Variants in OR2M3 observed in about 807,000 individuals in gnomAD.
The protein encoded by OR2M3 is olfactory receptor family 2 subfamily M member 3.
In OR2M3, 1 loss-of-function variant was observed where a neutral mutation model predicts 4.3. The ratio of observed to expected loss-of-function variants is 0.23; its 90% CI spans 0.08 to 1.11. The LOEUF (loss-of-function observed/expected upper bound fraction) is 1.11, where lower values mean the gene tolerates loss of function less well. OR2M3 is among the 50% of genes most tolerant of loss of function. The pLI is 0.54. For synonymous variants in OR2M3, 151 were observed against 139.4 expected, an observed-to-expected ratio of 1.08 and a Z score of -0.59; for missense variants, 410 against 390.4, an observed-to-expected ratio of 1.05 and a Z score of -0.42.
intron 1 of OR2M3, among the ~76,000 whole-genome samples, chr1:248,199,435 G>T (rs753092029): frequency 1.2e-4 from 18 of 151,734 alleles, no homozygotes; most frequent in Non-Finnish European, 2.2e-4. Context: ...AAAATATTTC[G>T]CCACAGGTCC....
rs1165959305 is a variant in OR2M3, at chr1:248,212,224, T to G, written c.*8218T>G. 1 of 152,078 alleles carries G rather than the reference T, an allele frequency of 6.6e-6. No homozygotes were observed. The highest frequency in any genetic ancestry group is 2.4e-5 in the African/African-American group (1 of 41,434). The allele number at this position is 152,078 out of a possible 1,614,324, so 9.4% of individuals were successfully genotyped here. A position where few individuals can be genotyped will look rare whatever the true frequency, so the allele number is the denominator to read the frequency against. ...AAGAAGTATACTAATAGCCATCAAA[T>G]ATTTTAAATATTAATTCATAATGCT... On this transcript the variant is annotated 3_prime_UTR_variant, in exon 2 of 2. Coordinates refer to ENST00000641626, the MANE Select transcript of OR2M3 (RefSeq NM_001004689.2).
rs921348642 is a variant in OR2M3 at position 248,204,209 on chromosome 1, A to T, written c.*203A>T. 2.3e-6 allele frequency: 1 copy of T among 439,694 alleles called. No individual in the cohort carries two copies. Among genetic ancestry groups the T allele is most frequent in the Non-Finnish European group, 3.9e-6 (1 of 254,920 alleles). 27.2% of individuals were successfully genotyped at this position (439,694 alleles called of 1,614,324 possible). A position where few individuals can be genotyped will look rare whatever the true frequency, so the allele number is the denominator to read the frequency against. On this transcript the variant is annotated 3_prime_UTR_variant, in exon 2 of 2. Coordinates refer to ENST00000641626, the MANE Select transcript of OR2M3 (RefSeq NM_001004689.2). ...TCATTTCTGCTATGACCACAATGTA[A>T]GTCATTTCCAATAAGAATATTAAAG...
At position 248,197,889 on chromosome 1, in the gene OR2M3, A is replaced by G. The variant is rs546204569; in HGVS notation, c.-19+588A>G. ...TTTGTATAAGGTATACATAGAACAT[A>G]AATTTTTTCCTTACACTTGGTTCTA... On this transcript the variant is annotated intron_variant, in intron 1 of 1. Coordinates refer to ENST00000641626, the MANE Select transcript of OR2M3 (RefSeq NM_001004689.2). 1.7e-4 allele frequency among the ~76,000 whole-genome samples: 26 copies of G among 152,242 alleles called. No individual in the cohort carries two copies. In the East Asian group the frequency reaches 3.7e-3, roughly 21 times the overall value.
rs1342870786 is a variant in OR2M3 at position 248,206,129 on chromosome 1, A to G, written c.*2123A>G. The G allele has an allele frequency of 6.6e-6, 1 of 152,004 alleles. No homozygotes were observed. Among genetic ancestry groups the G allele is most frequent in the Non-Finnish European group, 1.5e-5 (1 of 67,938 alleles). 9.4% of individuals were successfully genotyped at this position (152,004 alleles called of 1,614,324 possible). On this transcript the variant is annotated 3_prime_UTR_variant, in exon 2 of 2. Coordinates refer to ENST00000641626, the MANE Select transcript of OR2M3 (RefSeq NM_001004689.2). ...GTTGCCATTAGTATATAGCAGAGCT[A>G]CTGATTTGTGTACATTAATTGTGTG... is the stretch of plus-strand genomic sequence containing the variant.
At chr1:248,197,782 A>G (rs535294667) in intron 1 of OR2M3, among the ~76,000 whole-genome samples, 40 of 152,258 alleles carry the variant, frequency 2.6e-4, no homozygotes, top group African/African-American at 9.4e-4. Context: ...AGATGGTGAC[A>G]CTTTTGCTTC....
At chr1:248,201,172 A>C (rs1666152607) in intron 1 of OR2M3, among the ~76,000 whole-genome samples, 1 of 152,160 alleles carries the variant, frequency 6.6e-6, no homozygotes, top group Admixed American at 6.6e-5. Flanking sequence ...CATAATTCTA[A>C]ATTTTAAAAC....
rs573387264 is a variant in OR2M3, at chr1:248,207,899, G to C, written c.*3893G>C. On this transcript the variant is annotated 3_prime_UTR_variant, in exon 2 of 2. Coordinates refer to ENST00000641626, the MANE Select transcript of OR2M3 (RefSeq NM_001004689.2). ...CTTAAAGACCTGTCTAGTGCTCTCA[G>C]TGGAGTATTGAAGTCCCCCACTATT... The C allele has an allele frequency of 1.3e-5, 2 of 152,148 alleles. No homozygotes were observed. The highest frequency in any genetic ancestry group is 2.9e-5 in the Non-Finnish European group (2 of 67,966). The allele number at this position is 152,148 out of a possible 1,614,324, so 9.4% of individuals were successfully genotyped here. A position where few individuals can be genotyped will look rare whatever the true frequency, so the allele number is the denominator to read the frequency against.
In OR2M3 at chr1:248,212,547, A is replaced by G. The variant is rs1282248392; in HGVS notation, c.*8541A>G. On this transcript the variant is annotated 3_prime_UTR_variant, in exon 2 of 2. Transcript: ENST00000641626. The stretch of plus-strand genomic sequence containing the variant: ...ATTTTTAAAAACTCATATGGTTTCT[A>G]AATTATCCAAATTATTTTCTAACTT... 2 of 152,068 alleles carry G rather than the reference A, an allele frequency of 1.3e-5. No homozygotes were observed. The highest frequency in any genetic ancestry group is 2.9e-5 in the Non-Finnish European group (2 of 67,968). 9.4% of individuals were successfully genotyped at this position (152,068 alleles called of 1,614,324 possible). A position where few individuals can be genotyped will look rare whatever the true frequency, so the allele number is the denominator to read the frequency against.
intron 1 of OR2M3, among the ~76,000 whole-genome samples, chr1:248,199,715 G>A (rs57711976): frequency 0.027 from 4,081 of 152,136 alleles, 161 homozygotes; most frequent in African/African-American, 0.082. Flanking sequence ...ACAGGGCAAT[G>A]TAATAGTCAA....
chr1:248,198,261 C>A (rs1666118995), intron 1 of OR2M3, among the ~76,000 whole-genome samples: 1 of 152,038 alleles, frequency 6.6e-6, no homozygotes, highest in African/African-American at 2.4e-5. Context: ...TATTGCTGTG[C>A]TTCATAAGTG....
rs1666247899 is a variant in OR2M3, at chr1:248,208,586, C to T, written c.*4580C>T. The T allele has an allele frequency of 1.3e-5, 2 of 152,084 alleles. No individual in the cohort carries two copies. The highest frequency in any genetic ancestry group is 4.8e-5 in the African/African-American group (2 of 41,414). The allele number at this position is 152,084 out of a possible 1,614,324, so 9.4% of individuals were successfully genotyped here. ...CCTTTCCTTCATTTCTGAAGCATAG[C>T]TTCGCTGGATACAAAATTCTTAGCT... On this transcript the variant is annotated 3_prime_UTR_variant, in exon 2 of 2. Coordinates refer to ENST00000641626, the MANE Select transcript of OR2M3 (RefSeq NM_001004689.2).
Position 248,204,072 on chromosome 1 carries a change from A to C in OR2M3, c.*66A>C. On this transcript the variant is annotated 3_prime_UTR_variant, in exon 2 of 2. Coordinates refer to ENST00000641626, the MANE Select transcript of OR2M3 (RefSeq NM_001004689.2). The stretch of plus-strand genomic sequence containing the variant: ...TTTTTTTAAATGGTCCTATTTTTCC[A>C]TTAAGCCTTGAAAATGGGATTCATT... 1 of 1,512,356 alleles carries C rather than the reference A, an allele frequency of 6.6e-7. No homozygotes were observed. Among genetic ancestry groups the C allele is most frequent in the South Asian group, 1.2e-5 (1 of 86,612 alleles). The allele number at this position is 1,512,356 out of a possible 1,614,324, so 93.7% of individuals were successfully genotyped here.
In OR2M3 at chr1:248,205,753, A is replaced by T. The variant is rs1288176703; in HGVS notation, c.*1747A>T. The T allele has an allele frequency of 6.6e-6, 1 of 152,044 alleles. No homozygotes were observed. The highest frequency in any genetic ancestry group is 1.5e-5 in the Non-Finnish European group (1 of 67,968). The allele number at this position is 152,044 out of a possible 1,614,324, so 9.4% of individuals were successfully genotyped here. A position where few individuals can be genotyped will look rare whatever the true frequency, so the allele number is the denominator to read the frequency against. Reference sequence around the variant, plus strand: ...GCCTCCAGATTTGTTCTTTTTGCTTATTCTTGCTATGGCTATGCAGGACTT... The same window carrying T: ...GCCTCCAGATTTGTTCTTTTTGCTTTTTCTTGCTATGGCTATGCAGGACTT... On this transcript the variant is annotated 3_prime_UTR_variant, in exon 2 of 2. Coordinates refer to ENST00000641626, the MANE Select transcript of OR2M3 (RefSeq NM_001004689.2).
In OR2M3 at chr1:248,204,167, T is replaced by C; in HGVS notation, c.*161T>C. The stretch of plus-strand genomic sequence containing the variant: ...TTTATTTCAGATAAACTATTATAAC[T>C]ATTTATTATTTTATATTCATTTCTG... On this transcript the variant is annotated 3_prime_UTR_variant, in exon 2 of 2. Transcript: ENST00000641626. The C allele has an allele frequency of 3.6e-6, 2 of 549,656 alleles. No homozygotes were observed. The highest frequency in any genetic ancestry group is 6.1e-6 in the Non-Finnish European group (2 of 325,306). The allele number at this position is 549,656 out of a possible 1,614,324, so 34.0% of individuals were successfully genotyped here.
chr1:248,199,399 T>A (rs1390498760), intron 1 of OR2M3, among the ~76,000 whole-genome samples: 1 of 152,118 alleles, frequency 6.6e-6, no homozygotes, highest in Admixed American at 6.6e-5. Context: ...TGACAGTGAA[T>A]AGTCCTGAGT....
chr1:248,203,141 C>T lies in OR2M3; in HGVS notation c.74C>T (p.Thr25Ile), dbSNP rs770068224. 6.2e-7 allele frequency: 1 copy of T among 1,613,902 alleles called. No individual in the cohort carries two copies. The highest frequency in any genetic ancestry group is 1.3e-5 in the African/African-American group (1 of 74,894). The change falls in exon 2 of 2, where the codon ACC becomes ATC. Residue 25 changes from threonine to isoleucine, a missense_variant. Transcript: ENST00000641626. ...LGIFNHSPTH[T>I]FLFFLVLAIF... ...ATCTTCAATCACAGCCCCACCCACA[C>T]CTTCCTCTTCTTTCTGGTCCTGGCC...
At chr1:248,197,460 A>G (rs1252254625) in intron 1 of OR2M3, among the ~76,000 whole-genome samples, 159 bp downstream of exon 1, 4 of 152,130 alleles carry the variant, frequency 2.6e-5, no homozygotes, top group African/African-American at 9.7e-5. Context: ...GTACAATATT[A>G]CTTTGAGAAA....
intron 1 of OR2M3, among the ~76,000 whole-genome samples, chr1:248,199,137 C>T (rs1005720685): frequency 2.6e-5 from 4 of 151,692 alleles, no homozygotes; most frequent in Non-Finnish European, 5.9e-5. Context: ...ACAAAAGAAA[C>T]ATAGTAGATT....
chr1:248,201,435 C>CT (rs531446427), intron 1 of OR2M3, among the ~76,000 whole-genome samples: 1,697 of 152,072 alleles, frequency 0.011, 41 homozygotes, highest in African/African-American at 0.039. Context: ...CATTTATCCT[C>CT]TTTTTTTATT....
Sources: gnomAD v4.1 joint callset for allele counts (sites outside exome capture counted in the v4.1 genomes callset) on GRCh38, gnomAD v4.1.1 for gene constraint, MANE v1.5 for transcripts, NCBI Gene and HGNC (gene_info 2026-07-23, HGNC 2026-07-21) for gene names.